The following CERKL variants were observed in gnomAD, a reference collection of about 807,000 sequenced individuals.
The protein encoded by CERKL is CERK like autophagy regulator, also known as ceramide kinase-like protein.
CERKL carries 61 observed loss-of-function variants against 63.4 expected under a neutral mutation model. That is an observed-to-expected ratio of 0.96 (90% CI 0.78 to 1.19). The LOEUF is 1.19. CERKL is among the 50% of genes most tolerant of loss of function. The probability of loss-of-function intolerance (pLI) is 0.00; values close to 1 mark genes in which losing one functional copy is unlikely to be tolerated. For synonymous variants in CERKL, 250 were observed against 230.5 expected (o/e 1.08, Z -0.77); for missense variants, 675 against 655.5 (o/e 1.03, Z -0.33).
At position 181,568,031 on chromosome 2, in the gene CERKL, C is replaced by T. The variant is rs549431012; in HGVS notation, c.614-1910G>A. 2.6e-5 allele frequency among the ~76,000 whole-genome samples: 4 copies of T among 152,266 alleles called. No homozygotes were observed. The South Asian group carries it at 6.2e-4, about 24-fold the overall frequency. ...CTCTTTCTAAATAGGAGATGTGAAG[C>T]CTTCACAGTTTACAGGTCTTTGAAC... On this transcript the variant is annotated intron_variant, in intron 3 of 12. Coordinates refer to ENST00000410087, the MANE Select transcript of CERKL (RefSeq NM_201548.5).
In CERKL at chr2:181,638,756, T is replaced by G. The variant is rs147255732; in HGVS notation, c.238+18013A>C. 1.6e-4 allele frequency among the ~76,000 whole-genome samples: 25 copies of G among 152,318 alleles called. No homozygotes were observed. In the East Asian group the frequency reaches 4.8e-3, roughly 29 times the overall value. Reference sequence around the variant, plus strand: ...AGCCTGTGACAGCACAGCTGAAGTTTGGCCACTTTTGCCCAAGGCAGGACT... The same window carrying G: ...AGCCTGTGACAGCACAGCTGAAGTTGGGCCACTTTTGCCCAAGGCAGGACT... On this transcript the variant is annotated intron_variant, in intron 1 of 12. Transcript: ENST00000410087.
chr2:181,549,002 C>A, intron 6 of CERKL, 145 bp from the exon 7 acceptor site: 1 of 712,114 alleles, frequency 1.4e-6, no homozygotes, highest in Admixed American at 2.4e-5. Flanking sequence ...TCTTCAGTTC[C>A]CTTTACCTAT....
rs184936801 is a variant in CERKL, at chr2:181,547,890, C to T, written c.1134-43G>A. Reference sequence around the variant, plus strand: ...AAACAAAGACATAAAACAGATAACGCGCGCACAGACACACAGACACACACA... The same window carrying T: ...AAACAAAGACATAAAACAGATAACGTGCGCACAGACACACAGACACACACA... On this transcript the variant is annotated intron_variant, in intron 8 of 12. Coordinates refer to ENST00000410087, the MANE Select transcript of CERKL (RefSeq NM_201548.5). 487 of 1,564,642 alleles carry T rather than the reference C, an allele frequency of 3.1e-4. 1 individual carries two copies. The African/African-American group carries it at 4.9e-3, about 16-fold the overall frequency.
rs1688112207 is a variant in CERKL at position 181,655,363 on chromosome 2, A to G, written c.238+1406T>C. On this transcript the variant is annotated intron_variant, in intron 1 of 12. Coordinates refer to ENST00000410087, the MANE Select transcript of CERKL (RefSeq NM_201548.5). ...TCTCATTTTAATTCTATAGCATTTC[A>G]GCTGCACTGTAGGTTAAACTGGCTC... is the stretch of plus-strand genomic sequence containing the variant. Among the ~76,000 whole-genome samples the G allele has an allele frequency of 2.0e-5, 3 of 152,208 alleles. No individual in the cohort carries two copies. In the South Asian group the frequency reaches 6.2e-4, roughly 32 times the overall value.
intron 4 of CERKL, among the ~76,000 whole-genome samples, chr2:181,563,781 TCTC>T (rs1237543951): frequency 1.3e-4 from 20 of 151,824 alleles, no homozygotes; most frequent in Admixed American, 2.6e-4. Flanking sequence ...TTTCTATTAT[TCTC>T]CTCATATATC....
chr2:181,567,542 C>T (rs56200880), intron 3 of CERKL, among the ~76,000 whole-genome samples: 59,415 of 151,544 alleles, frequency 0.39, 12,415 homozygotes, highest in African/African-American at 0.53. Flanking sequence ...ATGCAACCTG[C>T]CTGAAAATAG....
At chr2:181,575,576 G>A (rs1421122539) in intron 2 of CERKL, among the ~76,000 whole-genome samples, 1 of 152,158 alleles carries the variant, frequency 6.6e-6, no homozygotes, top group Non-Finnish European at 1.5e-5. Flanking sequence ...GAGTATCTGA[G>A]CAGGGTTTTT....
At chr2:181,638,907 G>A (rs1687299772) in intron 1 of CERKL, among the ~76,000 whole-genome samples, 1 of 152,050 alleles carries the variant, frequency 6.6e-6, no homozygotes. Flanking sequence ...TCAGAGTGAT[G>A]GCCATCCCAG....
At chr2:181,618,962 A>G (rs1362992589) in intron 1 of CERKL, among the ~76,000 whole-genome samples, 1 of 152,188 alleles carries the variant, frequency 6.6e-6, no homozygotes, top group Admixed American at 6.5e-5. Context: ...TGTATTAAAT[A>G]CCTAAGATTT....
intron 2 of CERKL, among the ~76,000 whole-genome samples, chr2:181,600,493 T>C (rs556664276): frequency 1.1e-4 from 16 of 151,938 alleles, no homozygotes; most frequent in Admixed American, 3.3e-4. Flanking sequence ...ATGACAACCA[T>C]GGGCTCAAAG....
intron 1 of CERKL, among the ~76,000 whole-genome samples, chr2:181,647,829 G>T (rs994149029): frequency 6.6e-6 from 1 of 151,928 alleles, no homozygotes; most frequent in African/African-American, 2.4e-5. Flanking sequence ...AATTCAGCAG[G>T]CTACAAGAGA....
intron 1 of CERKL, among the ~76,000 whole-genome samples, chr2:181,631,496 C>G (rs537341228): frequency 6.6e-6 from 1 of 152,116 alleles, no homozygotes; most frequent in African/African-American, 2.4e-5. Context: ...TCCCTTTACA[C>G]CCCTCCACCC....
chr2:181,569,380 A>C (rs1224368691), intron 3 of CERKL, among the ~76,000 whole-genome samples: 1 of 152,174 alleles, frequency 6.6e-6, no homozygotes, highest in Non-Finnish European at 1.5e-5. Context: ...GTTTCATTAG[A>C]TGGCCTAGCT....
At chr2:181,556,230 C>A (rs1688197108) in intron 5 of CERKL, among the ~76,000 whole-genome samples, 2 of 149,782 alleles carry the variant, frequency 1.3e-5, no homozygotes, top group African/African-American at 4.9e-5. Flanking sequence ...TATATATGTT[C>A]ATAAGGCTGT....
intron 11 of CERKL, among the ~76,000 whole-genome samples, chr2:181,542,166 G>T (rs1010511830): frequency 5.3e-5 from 8 of 152,180 alleles, no homozygotes; most frequent in African/African-American, 9.7e-5. Context: ...ACAGTGAGAA[G>T]GGGGGCAAAG....
intron 1 of CERKL, among the ~76,000 whole-genome samples, chr2:181,652,199 C>A (rs1174681732): frequency 6.6e-6 from 1 of 152,070 alleles, no homozygotes; most frequent in African/African-American, 2.4e-5. Flanking sequence ...GCCAAAGCAA[C>A]CCTGAGCAAA....
chr2:181,599,113 G>T (rs1156274631), intron 2 of CERKL, among the ~76,000 whole-genome samples: 2 of 152,114 alleles, frequency 1.3e-5, no homozygotes, highest in Non-Finnish European at 2.9e-5. Context: ...AGAGCCAAGA[G>T]AAATTTAAAA....
At chr2:181,546,821 A>G (rs1687744576) in intron 10 of CERKL, among the ~76,000 whole-genome samples, 1 of 152,216 alleles carries the variant, frequency 6.6e-6, no homozygotes, top group South Asian at 2.1e-4. Context: ...GATATGCACT[A>G]CTATTCACAT....
rs144292239 is a variant in CERKL, at chr2:181,600,881, T to G, written c.481+2956A>C. On this transcript the variant is annotated intron_variant, in intron 2 of 12. Transcript: ENST00000410087. Reference sequence around the variant, plus strand: ...GACCTGACAGACATCTGCAGAATATTCCACCCAACAACACAAAATATACAT... The same window carrying G: ...GACCTGACAGACATCTGCAGAATATGCCACCCAACAACACAAAATATACAT... Among the ~76,000 whole-genome samples, 1,238 of 152,282 alleles carry G rather than the reference T, an allele frequency of 8.1e-3. 16 individuals are homozygous for G. The highest frequency in any genetic ancestry group is 0.025 in the African/African-American group (1,046 of 41,542).
Sources: gnomAD v4.1 joint callset for allele counts (sites outside exome capture counted in the v4.1 genomes callset) on GRCh38, gnomAD v4.1.1 for gene constraint, MANE v1.5 for transcripts, NCBI Gene and HGNC (gene_info 2026-07-23, HGNC 2026-07-21) for gene names.